The following DAB1 variants were observed in gnomAD, a reference collection of about 807,000 sequenced individuals.
The protein encoded by DAB1 is disabled homolog 1.
DAB1 carries 15 observed loss-of-function variants against 64.6 expected under a neutral mutation model. The ratio of observed to expected loss-of-function variants is 0.23; its 90% CI spans 0.16 to 0.36. DAB1 has a LOEUF of 0.36. Among genes scored for constraint, DAB1 ranks in the 10% least tolerant of loss-of-function variants. The pLI is 1.00. For synonymous variants in DAB1, 235 were observed against 251.9 expected (o/e 0.93, Z 0.64); for missense variants, 596 against 706.7 (o/e 0.84, Z 1.78).
intron 2 of DAB1, among the ~76,000 whole-genome samples, chr1:58,523,629 G>A (rs1235080235): frequency 1.3e-5 from 2 of 152,164 alleles, no homozygotes; most frequent in Non-Finnish European, 2.9e-5. Context: ...GCCGGGCGCA[G>A]TGGCTCACAC....
Position 58,127,267 on chromosome 1 carries a change from G to C in DAB1, n.387+23244C>G, listed in dbSNP as rs533325463. ...CTGCATAAATGTCTTCTTTTGAGAA[G>C]TGTCTGTTCATGTTCCTCGCCCACT... On this transcript the variant is annotated intron_variant and non_coding_transcript_variant, in intron 5 of 20. Transcript: ENST00000485760. Among the ~76,000 whole-genome samples the C allele has an allele frequency of 9.2e-5, 14 of 152,328 alleles. No homozygotes were observed. The East Asian group carries it at 2.3e-3, about 25-fold the overall frequency.
At chr1:57,553,450 A>AAGAAAGAAAGAAAGAAAGAAAG (rs1481119896) in intron 7 of DAB1, among the ~76,000 whole-genome samples, 1 of 124,692 alleles carries the variant, frequency 8.0e-6, no homozygotes, top group African/African-American at 3.0e-5. Context: ...AAGAGAAAGA[A>AAGAAAGAAAGAAAGAAAGAAAG]AGAAAGAAAG....
chr1:57,026,422 A>C (rs1280531515), intron 9 of DAB1, among the ~76,000 whole-genome samples: 1 of 152,208 alleles, frequency 6.6e-6, no homozygotes, highest in African/African-American at 2.4e-5. Context: ...GTGTATCCAC[A>C]CATACAACTT....
Position 57,033,549 on chromosome 1 carries a change from C to T in DAB1, c.724-7506G>A, listed in dbSNP as rs762321621. On this transcript the variant is annotated intron_variant, in intron 9 of 14. Transcript: ENST00000371236. ...GGGGTGGCTGCAGCAAACCGTTCTT[C>T]AAAATCCTCAAACGAATAGCCATTC... is the stretch of plus-strand genomic sequence containing the variant. The T allele has an allele frequency of 8.1e-6, 13 of 1,612,644 alleles. No individual in the cohort carries two copies. The Admixed American group carries it at 1.0e-4, about 12-fold the overall frequency.
chr1:58,316,971 A>G (rs183494890), intron 4 of DAB1, among the ~76,000 whole-genome samples: 27 of 152,372 alleles, frequency 1.8e-4, no homozygotes, highest in Admixed American at 4.6e-4. Context: ...TCTGAGAATT[A>G]TCTAACTTAA....
At chr1:58,368,662 G>T (rs1569692160) in intron 3 of DAB1, among the ~76,000 whole-genome samples, 1 of 152,272 alleles carries the variant, frequency 6.6e-6, no homozygotes, top group East Asian at 1.9e-4. Context: ...GCCTGGGTAA[G>T]GGGTGGACTG....
chr1:57,534,890 A>G (rs1644707588), intron 7 of DAB1, among the ~76,000 whole-genome samples: 1 of 152,206 alleles, frequency 6.6e-6, no homozygotes, highest in South Asian at 2.1e-4. Context: ...ACTGTGCTGC[A>G]AAATCATGTT....
At position 57,972,743 on chromosome 1, in the gene DAB1, C is replaced by A. The variant is rs143791254; in HGVS notation, n.388-88581G>T. Among the ~76,000 whole-genome samples the A allele has an allele frequency of 3.4e-3, 516 of 152,316 alleles. 5 individuals carry two copies. Among genetic ancestry groups the A allele is most frequent in the African/African-American group, 0.012 (494 of 41,572 alleles). ...GCTATGTTTATGAACACTTTCTGAG[C>A]AGCCAAGTCACTGGGAGCATCTCTT... is the stretch of plus-strand genomic sequence containing the variant. On this transcript the variant is annotated intron_variant and non_coding_transcript_variant, in intron 5 of 20. Transcript: ENST00000485760.
At chr1:58,361,338 G>A (rs1644162347) in intron 3 of DAB1, among the ~76,000 whole-genome samples, 1 of 152,192 alleles carries the variant, frequency 6.6e-6, no homozygotes, top group Non-Finnish European at 1.5e-5. Flanking sequence ...CCCACTAGGT[G>A]CATTCTGCTC....
intron 3 of DAB1, among the ~76,000 whole-genome samples, chr1:58,489,975 A>G (rs1359049384): frequency 2.0e-5 from 3 of 152,324 alleles, no homozygotes; most frequent in East Asian, 3.9e-4. Flanking sequence ...AGGTAGATAA[A>G]ACCATAAAGA....
intron 7 of DAB1, among the ~76,000 whole-genome samples, chr1:57,559,592 G>T (rs1645028241): frequency 6.6e-6 from 1 of 152,146 alleles, no homozygotes; most frequent in Admixed American, 6.6e-5. Context: ...GTTAAAATAG[G>T]GCTTATGGAG....
chr1:57,509,101 A>G (rs1376539160), intron 7 of DAB1, among the ~76,000 whole-genome samples: 2 of 152,150 alleles, frequency 1.3e-5, no homozygotes, highest in East Asian at 3.9e-4. Context: ...ACACATACAC[A>G]TATATACATA....
At chr1:57,660,008 A>C (rs1300332583) in intron 6 of DAB1, among the ~76,000 whole-genome samples, 1 of 150,012 alleles carries the variant, frequency 6.7e-6, no homozygotes, top group Non-Finnish European at 1.5e-5. Flanking sequence ...TAAATAAATA[A>C]ATAAATAAAT....
intron 6 of DAB1, among the ~76,000 whole-genome samples, chr1:57,667,663 A>C (rs1646463887): frequency 6.6e-6 from 1 of 152,130 alleles, no homozygotes; most frequent in South Asian, 2.1e-4. Context: ...GGGCATTGAA[A>C]TATGGCTAGT....
chr1:57,543,969 A>C (rs1644830204), intron 7 of DAB1, among the ~76,000 whole-genome samples: 1 of 152,010 alleles, frequency 6.6e-6, no homozygotes, highest in South Asian at 2.1e-4. Flanking sequence ...TTAGCCGGGC[A>C]TGGTGGCATG....
rs550112879 is a variant in DAB1, at chr1:57,867,317, G to C, written n.87+16682C>G. 2.0e-5 allele frequency: 3 copies of C among 152,212 alleles called. No individual in the cohort carries two copies. In the East Asian group the frequency reaches 5.8e-4, roughly 30 times the overall value. The allele number at this position is 152,212 out of a possible 1,614,324, so 9.4% of individuals were successfully genotyped here. On this transcript the variant is annotated intron_variant and non_coding_transcript_variant, in intron 1 of 1. Transcript: ENST00000477280. ...CCCTTTGGGATTAACCCTGGCGTTTGCCACCCCTCATTCACTGAAAAGCCC... is the reference window on the plus strand; with the variant it reads ...CCCTTTGGGATTAACCCTGGCGTTTCCCACCCCTCATTCACTGAAAAGCCC...
chr1:58,181,026 G>A (rs1443069353), intron 4 of DAB1, among the ~76,000 whole-genome samples: 1 of 152,078 alleles, frequency 6.6e-6, no homozygotes, highest in Non-Finnish European at 1.5e-5. Flanking sequence ...TATAACTGAT[G>A]ATTTTCTTTC....
chr1:57,059,812 A>C (rs1650197166), intron 9 of DAB1, among the ~76,000 whole-genome samples: 1 of 152,142 alleles, frequency 6.6e-6, no homozygotes, highest in African/African-American at 2.4e-5. Context: ...TAGGAAGAGG[A>C]GCTCAGATTC....
intron 7 of DAB1, among the ~76,000 whole-genome samples, chr1:57,489,490 C>T (rs1473851697): frequency 6.6e-6 from 1 of 152,178 alleles, no homozygotes; most frequent in Non-Finnish European, 1.5e-5. Flanking sequence ...ATTCTCAATT[C>T]CCTAACCCTC....
Sources: gnomAD v4.1 joint callset for allele counts (sites outside exome capture counted in the v4.1 genomes callset) on GRCh38, gnomAD v4.1.1 for gene constraint, MANE v1.5 for transcripts, NCBI Gene and HGNC (gene_info 2026-07-23, HGNC 2026-07-21) for gene names.